OR51B5: variants seen among roughly 807,000 people sequenced by gnomAD.
OR51B5 encodes the protein olfactory receptor 51B5.
For synonymous variants in OR51B5, 186 were observed against 144.8 expected, an observed-to-expected ratio of 1.28 and a Z score of -2.04; for missense variants, 456 against 374.6, an observed-to-expected ratio of 1.22 and a Z score of -1.79.
chr11:5,368,982 G>A (rs534751509), intron 1 of OR51B5, among the ~76,000 whole-genome samples: 35 of 152,228 alleles, frequency 2.3e-4, no homozygotes, highest in Non-Finnish European at 4.1e-4. Context: ...TAAATTGTGT[G>A]TCAGCCAACT....
At position 5,492,640 on chromosome 11, in the gene OR51B5, C is replaced by A. The variant is rs546565616; in HGVS notation, n.84+12929G>T. Among the ~76,000 whole-genome samples, 7 of 152,266 alleles carry A rather than the reference C, an allele frequency of 4.6e-5. No individual in the cohort carries two copies. The East Asian group carries it at 1.4e-3, about 29-fold the overall frequency. On this transcript the variant is annotated intron_variant and non_coding_transcript_variant, in intron 1 of 4. Coordinates refer to the OR51B5 transcript ENST00000415970. The stretch of plus-strand genomic sequence containing the variant: ...CAGCATAGAGCCAAGATTACCAACT[C>A]TGGAATCCAAGAGCTCTGGTTCCTA...
chr11:5,369,058 C>A (rs190690592), intron 1 of OR51B5, among the ~76,000 whole-genome samples: 104 of 152,202 alleles, frequency 6.8e-4, no homozygotes, highest in South Asian at 1.7e-3. Context: ...AGATGAGTGC[C>A]TTTGAAGCAG....
rs759622988 is a variant in OR51B5, at chr11:5,505,314, T to C, written n.84+255A>G. On this transcript the variant is annotated intron_variant and non_coding_transcript_variant, in intron 1 of 4. Transcript: ENST00000415970. ...GGATGGAAATTTGGGGTTCAATGTA[T>C]ATCTTCCCCAGTCAGAGGCAGACCC... The C allele has an allele frequency of 1.8e-5, 23 of 1,302,486 alleles. 1 individual carries two copies. The South Asian group carries it at 2.8e-4, about 16-fold the overall frequency. The allele number at this position is 1,302,486 out of a possible 1,614,324, so 80.7% of individuals were successfully genotyped here. A position where few individuals can be genotyped will look rare whatever the true frequency, so the allele number is the denominator to read the frequency against.
intron 1 of OR51B5, among the ~76,000 whole-genome samples, chr11:5,380,437 C>T (rs1362952301): frequency 6.6e-6 from 1 of 152,170 alleles, no homozygotes. Flanking sequence ...TGGAGTTCTT[C>T]TGGGAAGGAC....
At chr11:5,459,095 T>C (rs1289723819) in intron 1 of OR51B5, among the ~76,000 whole-genome samples, 1 of 152,224 alleles carries the variant, frequency 6.6e-6, no homozygotes, top group Non-Finnish European at 1.5e-5. Context: ...TAGTTTCTCA[T>C]AGACAGTTCT....
chr11:5,464,431 C>A (rs1012355197), intron 1 of OR51B5, among the ~76,000 whole-genome samples: 4 of 146,542 alleles, frequency 2.7e-5, no homozygotes, highest in Non-Finnish European at 4.5e-5. Flanking sequence ...AATGCTATCC[C>A]TCCCCCCCAC....
At chr11:5,423,150 G>A in intron 1 of OR51B5, 1 of 1,585,424 alleles carries the variant, frequency 6.3e-7, no homozygotes, top group Non-Finnish European at 8.6e-7. Context: ...ATGCATTCAA[G>A]ATGAGGGAAT....
chr11:5,399,466 A>G (rs938222432), intron 1 of OR51B5, among the ~76,000 whole-genome samples: 1 of 152,220 alleles, frequency 6.6e-6, no homozygotes, highest in Non-Finnish European at 1.5e-5. Context: ...AAACAAAGAT[A>G]CTAATGTGCA....
chr11:5,504,201 A>G (rs1846339694), intron 1 of OR51B5, among the ~76,000 whole-genome samples: 1 of 152,090 alleles, frequency 6.6e-6, no homozygotes, highest in Non-Finnish European at 1.5e-5. Flanking sequence ...TTTTTTAAAG[A>G]AAAAAAAGAA....
chr11:5,387,274 A>G (rs1167722582), intron 1 of OR51B5, among the ~76,000 whole-genome samples: 4 of 152,126 alleles, frequency 2.6e-5, no homozygotes, highest in Non-Finnish European at 5.9e-5. Context: ...GCACACAACT[A>G]TTGCACAAAA....
At chr11:5,352,298 A>G in intron 1 of OR51B5, 12 of 1,614,208 alleles carry the variant, frequency 7.4e-6, no homozygotes, top group Non-Finnish European at 9.3e-6. Flanking sequence ...AGGTTTGGAA[A>G]GCATGTTCCT....
At chr11:5,382,055 G>A (rs1037899438) in intron 1 of OR51B5, among the ~76,000 whole-genome samples, 1 of 152,122 alleles carries the variant, frequency 6.6e-6, no homozygotes, top group African/African-American at 2.4e-5. Flanking sequence ...ATGTACTCTG[G>A]AAAATATGAT....
Position 5,430,897 on chromosome 11 carries a change from C to T in OR51B5, n.84+74672G>A, listed in dbSNP as rs766926684. The T allele has an allele frequency of 9.2e-5, 42 of 457,070 alleles. 1 individual carries two copies. Among genetic ancestry groups the T allele is most frequent in the South Asian group, 5.3e-4 (34 of 64,564 alleles). The allele number at this position is 457,070 out of a possible 1,614,324, so 28.3% of individuals were successfully genotyped here. A position where few individuals can be genotyped will look rare whatever the true frequency, so the allele number is the denominator to read the frequency against. On this transcript the variant is annotated intron_variant and non_coding_transcript_variant, in intron 1 of 4. Transcript: ENST00000415970. ...CACACATGTGTTGAGAGCCTTCCACCGTCCCTCTCCAGAAGCAATGCCCAT... is the reference window on the plus strand; with the variant it reads ...CACACATGTGTTGAGAGCCTTCCACTGTCCCTCTCCAGAAGCAATGCCCAT...
chr11:5,362,013 T>A (rs901737720), intron 1 of OR51B5, among the ~76,000 whole-genome samples: 1 of 152,198 alleles, frequency 6.6e-6, no homozygotes, highest in African/African-American at 2.4e-5. Context: ...TAGTGTCAGA[T>A]TGAGTAAAGC....
intron 1 of OR51B5, among the ~76,000 whole-genome samples, chr11:5,412,667 G>A (rs1468459940): frequency 2.6e-5 from 4 of 152,142 alleles, no homozygotes; most frequent in East Asian, 3.9e-4. Flanking sequence ...AGGGTCCTAC[G>A]CCGACGGAGT....
At chr11:5,459,430 T>C (rs1384854084) in intron 1 of OR51B5, among the ~76,000 whole-genome samples, 5 of 150,772 alleles carry the variant, frequency 3.3e-5, no homozygotes, top group Non-Finnish European at 7.4e-5. Flanking sequence ...CAGGAATATA[T>C]TGTATCTCTG....
chr11:5,462,001 C>T (rs950661993), intron 1 of OR51B5, among the ~76,000 whole-genome samples: 1 of 152,144 alleles, frequency 6.6e-6, no homozygotes, highest in Non-Finnish European at 1.5e-5. Flanking sequence ...TGGCTCTCTC[C>T]CCAATCAAAG....
At chr11:5,370,178 T>C (rs1006528366) in intron 1 of OR51B5, among the ~76,000 whole-genome samples, 4 of 152,206 alleles carry the variant, frequency 2.6e-5, no homozygotes, top group Non-Finnish European at 5.9e-5. Flanking sequence ...ATAATGCTCA[T>C]AATCATCAAT....
chr11:5,501,016 G>A (rs1222433323), intron 1 of OR51B5, among the ~76,000 whole-genome samples: 1 of 148,258 alleles, frequency 6.7e-6, no homozygotes, highest in African/African-American at 2.4e-5. Flanking sequence ...AAGTTATAAT[G>A]AATCATAAAT....
Sources: allele counts gnomAD v4.1 joint callset (sites outside exome capture counted in the v4.1 genomes callset), GRCh38; gene constraint gnomAD v4.1.1; transcripts MANE v1.5; gene names NCBI Gene and HGNC (gene_info 2026-07-23, HGNC 2026-07-21).